The following TAB2 variants were observed in gnomAD, a reference collection of about 807,000 sequenced individuals.
TAB2 encodes TGF-beta-activated kinase 1 and MAP3K7-binding protein 2.
Under a neutral mutation model 65.0 loss-of-function variants are expected in TAB2, and 3 were observed. The observed-to-expected ratio is 0.05, with a 90% CI of 0.02 to 0.12. TAB2 has a LOEUF of 0.12. Ranked by LOEUF, TAB2 falls within the 10% of genes least tolerant of loss-of-function variation. The pLI, the probability that TAB2 is intolerant of heterozygous loss-of-function variation, is 1.00. For missense variants in TAB2, 623 were observed against 840.3 expected, an observed-to-expected ratio of 0.74 and a Z score of 3.20; for synonymous variants, 298 against 285.1, an observed-to-expected ratio of 1.05 and a Z score of -0.46.
chr6:149,251,127 C>T (rs1554254066), intron 1 of TAB2, among the ~76,000 whole-genome samples: 3 of 152,160 alleles, frequency 2.0e-5, no homozygotes, highest in African/African-American at 4.8e-5. Context: ...TTCCTTTTGC[C>T]GGGTGCCTCC....
Position 149,317,753 on chromosome 6 carries a change from C to T in TAB2, c.-352C>T. 1 of 161,914 alleles carries T rather than the reference C, an allele frequency of 6.2e-6. No homozygotes were observed. The highest frequency in any genetic ancestry group is 1.3e-5 in the Non-Finnish European group (1 of 74,222). The allele number at this position is 161,914 out of a possible 1,614,324, so 10.0% of individuals were successfully genotyped here. ...TGCAGCCGCCGGCGGGGCGACCCAGCCCGACCCCCTCCCCTCCCCCTCAGC... is the reference window on the plus strand; with the variant it reads ...TGCAGCCGCCGGCGGGGCGACCCAGTCCGACCCCCTCCCCTCCCCCTCAGC... On this transcript the variant is annotated 5_prime_UTR_variant, in exon 1 of 7. Transcript: ENST00000637181. The surrounding 1 kb of genome is among the most constrained non-coding windows in gnomAD (Gnocchi z 4.7).
intron 1 of TAB2, among the ~76,000 whole-genome samples, chr6:149,281,595 A>G (rs894595324): frequency 1.4e-5 from 2 of 146,924 alleles, no homozygotes; most frequent in African/African-American, 2.6e-5. Flanking sequence ...GATTAATTCA[A>G]AGGGAGATAT....
At chr6:149,228,395 T>C (rs573700489) in intron 1 of TAB2, among the ~76,000 whole-genome samples, 25 of 152,302 alleles carry the variant, frequency 1.6e-4, no homozygotes, top group African/African-American at 5.8e-4. Context: ...GGGAGGCAGA[T>C]TGCCCGTCAG....
chr6:149,272,199 T>C (rs1290720649), intron 1 of TAB2, among the ~76,000 whole-genome samples: 1 of 152,248 alleles, frequency 6.6e-6, no homozygotes, highest in African/African-American at 2.4e-5. Flanking sequence ...GTGTTTCTCA[T>C]GCAGGAGCAA....
chr6:149,219,104 T>C (rs566993971), intron 1 of TAB2, among the ~76,000 whole-genome samples: 5 of 152,298 alleles, frequency 3.3e-5, no homozygotes, highest in African/African-American at 1.2e-4. Flanking sequence ...CTGGGGATGA[T>C]TGGGCTGGGA....
intron 1 of TAB2, among the ~76,000 whole-genome samples, chr6:149,231,030 A>G (rs1383377705): frequency 1.3e-5 from 2 of 152,156 alleles, no homozygotes; most frequent in African/African-American, 2.4e-5. Context: ...CCACTTCCCA[A>G]TGGGCGCTCT....
At chr6:149,225,576 G>A (rs1777250977) in intron 1 of TAB2, among the ~76,000 whole-genome samples, 1 of 152,070 alleles carries the variant, frequency 6.6e-6, no homozygotes, top group Non-Finnish European at 1.5e-5. Flanking sequence ...GGACAGTTGG[G>A]GAACTCCCTT....
At chr6:149,328,589 G>A (rs1431935924) in intron 1 of TAB2, among the ~76,000 whole-genome samples, 1 of 152,124 alleles carries the variant, frequency 6.6e-6, no homozygotes, top group East Asian at 1.9e-4. Flanking sequence ...ACCGCACCCG[G>A]CCTCTACATT....
intron 1 of TAB2, among the ~76,000 whole-genome samples, chr6:149,361,209 G>GT (rs1780838444): frequency 6.6e-6 from 1 of 152,196 alleles, no homozygotes; most frequent in Non-Finnish European, 1.5e-5. Context: ...CCTAGTAGAG[G>GT]TTTTTTTGTG....
rs533592951 is a variant in TAB2, at chr6:149,264,138, C to A, written c.-121+45362C>A. Among the ~76,000 whole-genome samples the A allele has an allele frequency of 3.3e-5, 5 of 152,320 alleles. No homozygotes were observed. In the East Asian group the frequency reaches 9.7e-4, roughly 29 times the overall value. On this transcript the variant is annotated intron_variant, in intron 1 of 1. Transcript: ENST00000606202. ...GGCAGGTAGCGCTGGTCTGAGTCTC[C>A]TGAACAAGGAGGAGTCACGTTTTAG...
At chr6:149,324,493 CT>C (rs1461277603) in intron 1 of TAB2, among the ~76,000 whole-genome samples, 3 of 151,302 alleles carry the variant, frequency 2.0e-5, no homozygotes, top group African/African-American at 7.3e-5. Context: ...TAATGTTTAC[CT>C]TTTTTAATGT....
At chr6:149,286,465 C>T (rs1430874792) in intron 1 of TAB2, among the ~76,000 whole-genome samples, 1 of 152,138 alleles carries the variant, frequency 6.6e-6, no homozygotes, top group Non-Finnish European at 1.5e-5. Flanking sequence ...GCCAGAGAGC[C>T]CATCATCTTT....
chr6:149,229,279 G>T (rs1324348677), intron 1 of TAB2, among the ~76,000 whole-genome samples: 1 of 152,102 alleles, frequency 6.6e-6, no homozygotes, highest in Non-Finnish European at 1.5e-5. Context: ...CTAAACACAA[G>T]AATAAGGCTG....
intron 3 of TAB2, among the ~76,000 whole-genome samples, chr6:149,388,136 T>G (rs1018771043): frequency 3.3e-5 from 5 of 152,176 alleles, no homozygotes; most frequent in African/African-American, 1.2e-4. Flanking sequence ...CAACTAAGAT[T>G]TATTTCTAGC....
chr6:149,228,961 G>A (rs1777342512), intron 1 of TAB2, among the ~76,000 whole-genome samples: 1 of 152,188 alleles, frequency 6.6e-6, no homozygotes, highest in South Asian at 2.1e-4. Context: ...TGGAGAGAGG[G>A]CACAGTGACC....
At chr6:149,399,538 C>T (rs1412254116) in intron 6 of TAB2, among the ~76,000 whole-genome samples, 1 of 151,754 alleles carries the variant, frequency 6.6e-6, no homozygotes, top group Non-Finnish European at 1.5e-5. Flanking sequence ...GTTCCCCCCC[C>T]CCATGAGTAT....
At chr6:149,284,723 G>A (rs1562400085) in intron 1 of TAB2, among the ~76,000 whole-genome samples, 1 of 151,132 alleles carries the variant, frequency 6.6e-6, no homozygotes, top group Non-Finnish European at 1.5e-5. Context: ...CCCAACTCAT[G>A]GGCAGTTGCC....
In TAB2 at chr6:149,250,986, GCT is replaced by G. The variant is rs1429638953; in HGVS notation, c.-121+32211_-121+32212del. Among the ~76,000 whole-genome samples the G allele has an allele frequency of 1.2e-3, 179 of 152,204 alleles. 1 individual carries two copies. The highest frequency in any genetic ancestry group is 4.1e-3 in the African/African-American group (170 of 41,518). On this transcript the variant is annotated intron_variant, in intron 1 of 1. Transcript: ENST00000606202. ...TCACGCTTATTTCCAAAGGATATTT[GCT>G]GTCCCCATAGCAGCCAGCTTTCATC... is the stretch of plus-strand genomic sequence containing the variant.
chr6:149,367,533 AC>A (rs1781079190), intron 1 of TAB2, among the ~76,000 whole-genome samples: 1 of 152,142 alleles, frequency 6.6e-6, no homozygotes, highest in Non-Finnish European at 1.5e-5. Flanking sequence ...TGCATTTTGA[AC>A]AGGGAAAGTG....
Sources: allele counts gnomAD v4.1 joint callset (sites outside exome capture counted in the v4.1 genomes callset), GRCh38; gene constraint gnomAD v4.1.1; non-coding constraint Gnocchi (gnomAD v3.1); transcripts MANE v1.5; gene names NCBI Gene and HGNC (gene_info 2026-07-23, HGNC 2026-07-21).